Variants in CHCHD6 observed in about 807,000 individuals in gnomAD.
CHCHD6 encodes the protein MICOS complex subunit MIC25.
CHCHD6 carries 28 observed loss-of-function variants against 32.3 expected under a neutral mutation model. The ratio of observed to expected loss-of-function variants is 0.87; its 90% CI spans 0.64 to 1.19. CHCHD6 has a LOEUF of 1.19. CHCHD6 is among the 50% of genes most tolerant of loss of function. The probability of loss-of-function intolerance (pLI) is 0.00; values close to 1 mark genes in which losing one functional copy is unlikely to be tolerated. For missense variants in CHCHD6, 333 were observed against 307.0 expected (o/e 1.08, Z -0.63); for synonymous variants, 122 against 117.5 (o/e 1.04, Z -0.25).
intron 4 of CHCHD6, among the ~76,000 whole-genome samples, chr3:126,820,226 T>C (rs1185724956): frequency 6.6e-6 from 1 of 152,232 alleles, no homozygotes; most frequent in African/African-American, 2.4e-5. Flanking sequence ...ATGTATTTTA[T>C]TGAGGTATAA....
At chr3:126,788,981 AC>A (rs1938379111) in intron 4 of CHCHD6, among the ~76,000 whole-genome samples, 1 of 152,078 alleles carries the variant, frequency 6.6e-6, no homozygotes, top group South Asian at 2.1e-4. Context: ...TTCCCTCTAC[AC>A]ACTGCTTTAA....
intron 6 of CHCHD6, among the ~76,000 whole-genome samples, chr3:126,944,523 G>A (rs775446384): frequency 3.3e-5 from 5 of 152,272 alleles, no homozygotes; most frequent in African/African-American, 4.8e-5. Context: ...CCACATGACT[G>A]GGTGCAGTGT....
intron 5 of CHCHD6, among the ~76,000 whole-genome samples, chr3:126,888,804 C>T (rs1402072214): frequency 1.3e-5 from 2 of 152,162 alleles, no homozygotes; most frequent in African/African-American, 4.8e-5. Flanking sequence ...TTGCATGGGG[C>T]TGAGCTGGGT....
chr3:126,842,422 A>G (rs1941130374), intron 4 of CHCHD6, among the ~76,000 whole-genome samples: 1 of 152,164 alleles, frequency 6.6e-6, no homozygotes, highest in Non-Finnish European at 1.5e-5. Context: ...AGATTAGTTC[A>G]GTTTGGTGAT....
chr3:126,912,608 A>ATTAG (rs1330516191), intron 5 of CHCHD6, among the ~76,000 whole-genome samples: 2 of 152,186 alleles, frequency 1.3e-5, no homozygotes, highest in East Asian at 3.8e-4. Flanking sequence ...GACTTGCCTA[A>ATTAG]GCTCACCAGG....
chr3:126,886,910 C>T (rs918674406), intron 5 of CHCHD6, among the ~76,000 whole-genome samples: 2 of 152,176 alleles, frequency 1.3e-5, no homozygotes, highest in Non-Finnish European at 2.9e-5. Context: ...CCCCAGCTTC[C>T]CTTCCACCCT....
At chr3:126,798,428 C>T (rs1242100920) in intron 4 of CHCHD6, among the ~76,000 whole-genome samples, 5 of 152,168 alleles carry the variant, frequency 3.3e-5, no homozygotes, top group African/African-American at 1.2e-4. Flanking sequence ...TGTTGTCAGC[C>T]CACCTCCCTT....
chr3:126,855,937 C>G (rs552736211), intron 5 of CHCHD6, among the ~76,000 whole-genome samples: 47 of 152,188 alleles, frequency 3.1e-4, no homozygotes, highest in Non-Finnish European at 4.6e-4. Context: ...GCAAGCAAAC[C>G]ACTGCTCACA....
chr3:126,943,963 T>C (rs995012164), intron 6 of CHCHD6, among the ~76,000 whole-genome samples: 3 of 152,186 alleles, frequency 2.0e-5, no homozygotes, highest in African/African-American at 7.2e-5. Context: ...TAGACCTAAA[T>C]GTAAAACGCA....
At chr3:126,859,368 G>A (rs944151896) in intron 5 of CHCHD6, among the ~76,000 whole-genome samples, 4 of 152,144 alleles carry the variant, frequency 2.6e-5, no homozygotes, top group Admixed American at 2.0e-4. Flanking sequence ...GGTACAGCTG[G>A]GAAAACAGGC....
chr3:126,720,254 C>T (rs780184205), intron 1 of CHCHD6, among the ~76,000 whole-genome samples: 7 of 152,160 alleles, frequency 4.6e-5, no homozygotes, highest in Non-Finnish European at 8.8e-5. Context: ...ATTAGGACAT[C>T]GTCAGCTGTG....
intron 5 of CHCHD6, among the ~76,000 whole-genome samples, chr3:126,852,994 G>C (rs1014841940): frequency 6.6e-6 from 1 of 152,046 alleles, no homozygotes; most frequent in African/African-American, 2.4e-5. Context: ...CTGGCTCTAC[G>C]GTAGTTCAAT....
chr3:126,924,898 T>G (rs1052314752), intron 6 of CHCHD6, among the ~76,000 whole-genome samples: 14 of 152,130 alleles, frequency 9.2e-5, no homozygotes, highest in South Asian at 4.1e-4. Flanking sequence ...GTGGGTGCCT[T>G]TCCTTCCAGG....
intron 6 of CHCHD6, among the ~76,000 whole-genome samples, chr3:126,932,322 C>G (rs903694836): frequency 6.6e-6 from 1 of 152,122 alleles, no homozygotes; most frequent in Non-Finnish European, 1.5e-5. Context: ...CAAGCGAGGC[C>G]CTTGGAATCT....
At chr3:126,892,353 T>G (rs765061166) in intron 5 of CHCHD6, among the ~76,000 whole-genome samples, 15 of 152,164 alleles carry the variant, frequency 9.9e-5, no homozygotes, top group Non-Finnish European at 1.3e-4. Context: ...GGGTTTCTAA[T>G]CCATACACAT....
chr3:126,764,145 T>C (rs1475599021), intron 4 of CHCHD6, among the ~76,000 whole-genome samples: 1 of 149,122 alleles, frequency 6.7e-6, no homozygotes, highest in Non-Finnish European at 1.5e-5. Flanking sequence ...AAATGTTTAC[T>C]CTAAGAAATA....
chr3:126,876,640 T>A (rs2077542724), intron 5 of CHCHD6, among the ~76,000 whole-genome samples: 1 of 152,240 alleles, frequency 6.6e-6, no homozygotes, highest in Non-Finnish European at 1.5e-5. Flanking sequence ...CATTATCTCC[T>A]ATGACCACTT....
chr3:126,950,650 C>T (rs1340182097), intron 6 of CHCHD6, among the ~76,000 whole-genome samples: 1 of 152,168 alleles, frequency 6.6e-6, no homozygotes, highest in East Asian at 1.9e-4. Context: ...GAGGTTTCAC[C>T]ATGCTGGCCA....
chr3:126,804,320 A>T (rs1279330550), intron 4 of CHCHD6, among the ~76,000 whole-genome samples: 1 of 151,850 alleles, frequency 6.6e-6, no homozygotes, highest in Non-Finnish European at 1.5e-5. Flanking sequence ...CGCTAGCAAG[A>T]CTAATAAAGA....
Sources: allele counts gnomAD v4.1 joint callset (sites outside exome capture counted in the v4.1 genomes callset), GRCh38; gene constraint gnomAD v4.1.1; transcripts MANE v1.5; gene names NCBI Gene and HGNC (gene_info 2026-07-23, HGNC 2026-07-21).